SORD: variants seen among roughly 807,000 people sequenced by gnomAD.
SORD encodes the protein sorbitol dehydrogenase, also known as (R,R)-butanediol dehydrogenase.
SORD carries 18 observed loss-of-function variants against 35.6 expected under a neutral mutation model. The observed-to-expected ratio is 0.51, with a 90% CI of 0.35 to 0.75. The LOEUF (loss-of-function observed/expected upper bound fraction) is 0.75. Ranked by LOEUF, SORD falls within the 30% of genes least tolerant of loss-of-function variation. The probability of loss-of-function intolerance (pLI) is 0.01; values close to 1 mark genes in which losing one functional copy is unlikely to be tolerated. For missense variants in SORD, 250 were observed against 390.2 expected (o/e 0.64, Z 3.03); for synonymous variants, 106 against 152.9 (o/e 0.69, Z 2.26).
intron 1 of SORD, among the ~76,000 whole-genome samples, chr15:45,034,245 T>C (rs1468865439): frequency 3.3e-5 from 5 of 152,050 alleles, no homozygotes; most frequent in Non-Finnish European, 7.4e-5. Context: ...ATAACTACCC[T>C]GAGGTCACGC....
chr15:45,023,927 C>T (rs1185791475), intron 1 of SORD, among the ~76,000 whole-genome samples: 4 of 152,206 alleles, frequency 2.6e-5, no homozygotes, highest in Admixed American at 2.6e-4. Context: ...CTGCTGTTCC[C>T]CTTGCCTGTG....
chr15:45,063,518 T>G (rs543939542), intron 4 of SORD, among the ~76,000 whole-genome samples: 1 of 152,142 alleles, frequency 6.6e-6, no homozygotes, highest in South Asian at 2.1e-4. Context: ...CCTCCAGGAC[T>G]CCTTGTACAT....
Position 45,075,239 on chromosome 15 carries a change from C to A in SORD, c.*1709C>A, listed in dbSNP as rs1186394967. 5.9e-5 allele frequency: 7 copies of A among 118,184 alleles called. 1 individual carries two copies. Among genetic ancestry groups the A allele is most frequent in the Admixed American group, 2.3e-4 (3 of 13,002 alleles). The allele number at this position is 118,184 out of a possible 1,614,324, so 7.3% of individuals were successfully genotyped here. On this transcript the variant is annotated 3_prime_UTR_variant, in exon 9 of 9. Transcript: ENST00000267814. ...GCCTGAGGTGTCCAGTCCTAGAGGA[C>A]AAATGATGCTCCCCATGCCACCACC...
chr15:45,061,019 C>G (rs768028687), intron 3 of SORD, 48 bp from the exon 4 acceptor site: 1 of 1,612,580 alleles, frequency 6.2e-7, no homozygotes, highest in South Asian at 1.1e-5. Context: ...AGCGGGCAGA[C>G]TCTGCTCCCA....
intron 7 of SORD, among the ~76,000 whole-genome samples, chr15:45,071,178 G>C (rs1215848194): frequency 2.0e-5 from 3 of 152,150 alleles, no homozygotes; most frequent in African/African-American, 7.2e-5. Flanking sequence ...GTGTCCAGGT[G>C]GTTCCAGCAT....
intron 1 of SORD, among the ~76,000 whole-genome samples, chr15:45,038,176 C>T (rs1892903653): frequency 7.0e-6 from 1 of 142,608 alleles, no homozygotes; most frequent in Admixed American, 7.0e-5. Flanking sequence ...TCCTTCCTTC[C>T]TTCCTTCCTT....
At chr15:45,053,138 A>G (rs1157884897) in intron 3 of SORD, among the ~76,000 whole-genome samples, 1 of 152,180 alleles carries the variant, frequency 6.6e-6, no homozygotes, top group Non-Finnish European at 1.5e-5. Flanking sequence ...TACTACTGTT[A>G]CTTGCCTGAG....
intron 3 of SORD, among the ~76,000 whole-genome samples, chr15:45,048,032 G>A (rs760777665): frequency 9.8e-5 from 15 of 152,334 alleles, no homozygotes; most frequent in Non-Finnish European, 1.8e-4. Flanking sequence ...TATTGACAGT[G>A]TATTTGGAGT....
Position 45,061,210 on chromosome 15 carries a change from G to A in SORD, c.409G>A (p.Ala137Thr), listed in dbSNP as rs1179432173. The A allele has an allele frequency of 3.7e-6, 6 of 1,614,212 alleles. No homozygotes were observed. The highest frequency in any genetic ancestry group is 4.2e-6 in the Non-Finnish European group (5 of 1,180,024). ...CCTCTGCCGGTTCTATAAGCACAAT[G>A]CAGCCTTTTGTTACAAGTTAGTGTC... is the stretch of plus-strand genomic sequence containing the variant. ...GNLCRFYKHN[A>T]AFCYKLPDNV... is the part of the protein sequence containing the mutation. The change falls in exon 4 of 9, where the codon GCA (alanine) becomes ACA (threonine). Residue 137 changes from alanine to threonine, a missense_variant. Ala to Thr is a moderately conservative substitution (Grantham distance 58). Coordinates refer to ENST00000267814, the MANE Select transcript of SORD (RefSeq NM_003104.6).
chr15:45,046,293 A>C (rs1041957793), intron 3 of SORD, among the ~76,000 whole-genome samples: 1 of 152,096 alleles, frequency 6.6e-6, no homozygotes, highest in African/African-American at 2.4e-5. Context: ...TCCAGGCTGG[A>C]GTGTAGTGGT....
chr15:45,027,445 A>G (rs753917535), intron 1 of SORD, among the ~76,000 whole-genome samples: 3 of 152,282 alleles, frequency 2.0e-5, no homozygotes, highest in Admixed American at 6.5e-5. Flanking sequence ...AGTGGAACCA[A>G]TTGTGCGTGT....
At chr15:45,057,539 C>T (rs557825185) in intron 3 of SORD, among the ~76,000 whole-genome samples, 1 of 152,312 alleles carries the variant, frequency 6.6e-6, no homozygotes, top group African/African-American at 2.4e-5. Flanking sequence ...AATCCCAGCA[C>T]TTTGGGAGGC....
chr15:45,064,712 TAGTC>T (rs1277449139), intron 4 of SORD, among the ~76,000 whole-genome samples: 2 of 152,188 alleles, frequency 1.3e-5, no homozygotes, highest in Non-Finnish European at 2.9e-5. Context: ...AAACTGGTGA[TAGTC>T]AGGATTGTTT....
In SORD at chr15:45,023,365, G is replaced by C. The variant is rs768782126; in HGVS notation, c.66+16G>C. 9 of 1,559,416 alleles carry C rather than the reference G, an allele frequency of 5.8e-6. No individual in the cohort carries two copies. Among genetic ancestry groups the C allele is most frequent in the Non-Finnish European group, 7.8e-6 (9 of 1,153,398 alleles). On this transcript the variant is annotated intron_variant, in intron 1 of 8. Transcript: ENST00000267814. ...CTTGCGCCTGGTAAGCTGGGAAGGA[G>C]GGTGGGAAGCATACCGATCCTGCCT... is the stretch of plus-strand genomic sequence containing the variant.
At chr15:45,039,207 C>A (rs1892925189) in intron 1 of SORD, among the ~76,000 whole-genome samples, 1 of 152,046 alleles carries the variant, frequency 6.6e-6, no homozygotes, top group Non-Finnish European at 1.5e-5. Flanking sequence ...GGGCTCACTG[C>A]TACCTCCATC....
intron 7 of SORD, among the ~76,000 whole-genome samples, 171 bp downstream of exon 7, chr15:45,069,223 T>TTTTTTTTC (rs1893467497): frequency 7.8e-6 from 1 of 128,948 alleles, no homozygotes; most frequent in Non-Finnish European, 1.5e-5. Flanking sequence ...TTTTTTTTTT[T>TTTTTTTTC]TGAGACAGAG....
intron 3 of SORD, among the ~76,000 whole-genome samples, chr15:45,047,939 C>G (rs1426962234): frequency 6.6e-6 from 1 of 152,206 alleles, no homozygotes; most frequent in East Asian, 1.9e-4. Flanking sequence ...CCAATTGTAA[C>G]TTTGATGTGT....
At chr15:45,031,383 G>C (rs1424648382) in intron 1 of SORD, among the ~76,000 whole-genome samples, 37 of 151,660 alleles carry the variant, frequency 2.4e-4, no homozygotes, top group African/African-American at 7.7e-4. Context: ...AGACCAGCAC[G>C]CTGACTGATG....
At chr15:45,028,585 A>G (rs1892718555) in intron 1 of SORD, among the ~76,000 whole-genome samples, 1 of 152,246 alleles carries the variant, frequency 6.6e-6, no homozygotes, top group Non-Finnish European at 1.5e-5. Context: ...ATGAGGAGAC[A>G]ATAAATTAAA....
Sources: allele counts gnomAD v4.1 joint callset (sites outside exome capture counted in the v4.1 genomes callset), GRCh38; gene constraint gnomAD v4.1.1; transcripts MANE v1.5; gene names NCBI Gene and HGNC (gene_info 2026-07-23, HGNC 2026-07-21).